HSH2D: variants seen among roughly 807,000 people sequenced by gnomAD.
HSH2D encodes the protein hematopoietic SH2 domain-containing protein.
HSH2D carries 16 observed loss-of-function variants against 21.5 expected under a neutral mutation model. The observed-to-expected ratio is 0.74, with a 90% confidence interval of 0.50 to 1.13. HSH2D has a LOEUF of 1.13. Among genes scored for constraint, HSH2D ranks in the 50% most tolerant of loss-of-function variants. The pLI is 0.00. For synonymous variants in HSH2D, 172 were observed against 184.7 expected (o/e 0.93, Z 0.56); for missense variants, 418 against 441.4 (o/e 0.95, Z 0.47).
rs752026426 is a variant in HSH2D, at chr19:16,157,215, C to A, written c.480C>A (p.Ser160=). 1.0e-5 allele frequency: 16 copies of A among 1,531,446 alleles called. No individual in the cohort carries two copies. Among genetic ancestry groups the A allele is most frequent in the Non-Finnish European group, 1.4e-5 (16 of 1,140,716 alleles). 94.9% of individuals were successfully genotyped at this position (1,531,446 alleles called of 1,614,324 possible). ...TCCCCTACTCTCATTTTCAGGCCTC[C>A]CCAAAGCCAGTCCTGTGTCACCAAT... ...ACPVSAPEEA[S]PKPVLCHQSK... is the part of the protein sequence containing the mutation. Residue 160 remains serine (S), a synonymous_variant, in exon 6 of 6, where the codon TCC becomes TCA. Coordinates refer to ENST00000613986, the MANE Select transcript of HSH2D (RefSeq NM_001382417.1). This position sits in a 1 kb window ranked among gnomAD's most constrained non-coding sequence, Gnocchi z 4.4.
chr19:16,150,417 T>C (rs1461923649), intron 2 of HSH2D, among the ~76,000 whole-genome samples: 1 of 151,694 alleles, frequency 6.6e-6, no homozygotes, highest in Admixed American at 6.6e-5. Context: ...CGCATGCCTG[T>C]AATCCCAGCT....
At chr19:16,140,530 G>T (rs746304258), upstream of HSH2D, among the ~76,000 whole-genome samples, 1 of 151,746 alleles carries the variant, frequency 6.6e-6, no homozygotes, top group African/African-American at 2.4e-5. Context: ...GCTTGAACCC[G>T]GGAGGTGGAG....
chr19:16,157,148 T>C lies in HSH2D; in HGVS notation c.475-62T>C. On this transcript the variant is annotated intron_variant, in intron 5 of 5. Transcript: ENST00000613986. This position sits in a 1 kb window ranked among gnomAD's most constrained non-coding sequence, Gnocchi z 4.4. ...TGGGTGGAACCCAGGCTCCAATTTC[T>C]GGGACAGACATGGTGCTCTGGTGGG... is the stretch of plus-strand genomic sequence containing the variant. The C allele has an allele frequency of 7.2e-7, 1 of 1,398,346 alleles. No homozygotes were observed. Among genetic ancestry groups the C allele is most frequent in the Non-Finnish European group, 9.6e-7 (1 of 1,036,272 alleles). The allele number at this position is 1,398,346 out of a possible 1,614,324, so 86.6% of individuals were successfully genotyped here.
chr19:16,153,277 C>T, intron 4 of HSH2D, 69 bp downstream of exon 4: 1 of 1,361,756 alleles, frequency 7.3e-7, no homozygotes, highest in Non-Finnish European at 9.7e-7. Flanking sequence ...CCCTTTGTTT[C>T]CCACGCCCCC....
intron 1 of HSH2D, among the ~76,000 whole-genome samples, chr19:16,137,586 A>G (rs1440851528): frequency 6.6e-6 from 1 of 151,358 alleles, no homozygotes; most frequent in Non-Finnish European, 1.5e-5. Flanking sequence ...CAAAAAAAAA[A>G]AAAAAGAAAA....
At chr19:16,151,249 TG>T (rs1735432563) in intron 2 of HSH2D, among the ~76,000 whole-genome samples, 1 of 145,112 alleles carries the variant, frequency 6.9e-6, no homozygotes, top group African/African-American at 2.6e-5. Flanking sequence ...AGCTTGAACC[TG>T]GGAGGCAGAG....
intron 1 of HSH2D, among the ~76,000 whole-genome samples, chr19:16,138,291 G>A (rs191932188): frequency 2.8e-4 from 42 of 152,240 alleles, no homozygotes; most frequent in Non-Finnish European, 3.1e-4. Context: ...CTTCCTTTCT[G>A]TGGCTGAATC....
intron 1 of HSH2D, among the ~76,000 whole-genome samples, chr19:16,138,612 C>A (rs935522186): frequency 6.6e-6 from 1 of 151,638 alleles, no homozygotes; most frequent in Non-Finnish European, 1.5e-5. Flanking sequence ...CGTGCGCCAC[C>A]ATGCCCAGCT....
chr19:16,149,569 C>CTTTCTTT (rs2091120300), intron 2 of HSH2D, among the ~76,000 whole-genome samples: 1 of 151,632 alleles, frequency 6.6e-6, no homozygotes, highest in Non-Finnish European at 1.5e-5. Context: ...CCAATGTGCC[C>CTTTCTTT]TTTCTTTTTT....
upstream of HSH2D, chr19:16,139,590 T>C (rs1170187917): frequency 6.6e-6 from 1 of 151,890 alleles, no homozygotes; most frequent in Non-Finnish European, 1.5e-5. Context: ...CTAAAAAGAA[T>C]CGCATCAAAC....
At chr19:16,137,509 G>A (rs2090971963) in intron 1 of HSH2D, among the ~76,000 whole-genome samples, 2 of 151,384 alleles carry the variant, frequency 1.3e-5, no homozygotes, top group African/African-American at 2.4e-5. Flanking sequence ...CCAGGGAGGC[G>A]GAGGTTGCAA....
intron 1 of HSH2D, 52 bp from the exon 2 acceptor site, chr19:16,148,672 G>C: frequency 6.4e-7 from 1 of 1,558,596 alleles, no homozygotes; most frequent in Non-Finnish European, 8.8e-7. Context: ...ATAGAGCAAA[G>C]ATAAGAGGTG....
Position 16,151,703 on chromosome 19 carries a change from G to A in HSH2D, c.126-849G>A, listed in dbSNP as rs150628745. 278 of 375,674 alleles carry A rather than the reference G, an allele frequency of 7.4e-4. 3 individuals carry two copies. In the East Asian group the frequency reaches 0.023, roughly 31 times the overall value. 23.3% of individuals were successfully genotyped at this position (375,674 alleles called of 1,614,324 possible). On this transcript the variant is annotated intron_variant, in intron 2 of 5. Coordinates refer to ENST00000613986, the MANE Select transcript of HSH2D (RefSeq NM_001382417.1). Reference sequence around the variant, plus strand: ...TGGCCTGAGATCAAGGTCATCAGACGCCTCCTAGCTCCTCGGGGGGAACAT... The same window carrying A: ...TGGCCTGAGATCAAGGTCATCAGACACCTCCTAGCTCCTCGGGGGGAACAT...
chr19:16,158,132 A>T lies in HSH2D; in HGVS notation c.*338A>T, dbSNP rs535035944. 4.8e-5 allele frequency: 11 copies of T among 228,184 alleles called. No homozygotes were observed. Among genetic ancestry groups the T allele is most frequent in the African/African-American group, 1.4e-4 (6 of 44,112 alleles). The allele number at this position is 228,184 out of a possible 1,614,324, so 14.1% of individuals were successfully genotyped here. A position where few individuals can be genotyped will look rare whatever the true frequency, so the allele number is the denominator to read the frequency against. The stretch of plus-strand genomic sequence containing the variant: ...AAGAAGAGACTGAGGTTCAGAGAGG[A>T]TAAGAGGCGTGACCAAGGCCACAGA... On this transcript the variant is annotated 3_prime_UTR_variant, in exon 6 of 6. Transcript: ENST00000613986.
At chr19:16,149,556 C>T (rs551678666) in intron 2 of HSH2D, among the ~76,000 whole-genome samples, 7 of 151,550 alleles carry the variant, frequency 4.6e-5, no homozygotes, top group Non-Finnish European at 8.8e-5. Flanking sequence ...CATCAGGATA[C>T]AACCAATGTG....
intron 2 of HSH2D, chr19:16,151,339 AAAAGAG>A: frequency 3.9e-6 from 1 of 258,236 alleles, no homozygotes; most frequent in Non-Finnish European, 7.9e-6. Context: ...AAAAAAAAAA[AAAAGAG>A]AGAGAGAGAG....
chr19:16,145,452 A>G (rs1160896078), intron 1 of HSH2D, among the ~76,000 whole-genome samples: 1 of 152,174 alleles, frequency 6.6e-6, no homozygotes, highest in Non-Finnish European at 1.5e-5. Context: ...GCCTCAGGCA[A>G]TCCGCCTGCC....
chr19:16,151,880 C>T (rs572510413), intron 2 of HSH2D, among the ~76,000 whole-genome samples: 5 of 143,312 alleles, frequency 3.5e-5, no homozygotes, highest in East Asian at 4.1e-4. Flanking sequence ...CTGAGGCAGG[C>T]GGATCACTTG....
chr19:16,152,741 C>A, intron 3 of HSH2D, 100 bp downstream of exon 3: 1 of 908,528 alleles, frequency 1.1e-6, no homozygotes, highest in Non-Finnish European at 1.8e-6. Context: ...CAGAAAGCAG[C>A]AGTAACTGAG....
Sources: allele counts gnomAD v4.1 joint callset (sites outside exome capture counted in the v4.1 genomes callset), GRCh38; gene constraint gnomAD v4.1.1; non-coding constraint Gnocchi (gnomAD v3.1); transcripts MANE v1.5; gene names NCBI Gene and HGNC (gene_info 2026-07-23, HGNC 2026-07-21).